The following LMBRD2 variants were observed in gnomAD, a reference collection of about 807,000 sequenced individuals.
LMBRD2 encodes the protein LMBR1 domain containing 2, also known as G protein-coupled receptor-associated protein LMBRD2.
A neutral mutation model predicts 94.4 loss-of-function variants in LMBRD2; 55 were observed. The observed-to-expected ratio is 0.58, with a 90% confidence interval of 0.47 to 0.73. The LOEUF (loss-of-function observed/expected upper bound fraction) is 0.73. Ranked by LOEUF, LMBRD2 falls within the 30% of genes least tolerant of loss-of-function variation. The pLI, the probability that LMBRD2 is intolerant of heterozygous loss-of-function variation, is 0.00. For missense variants in LMBRD2, 640 were observed against 831.9 expected (o/e 0.77, Z 2.84); for synonymous variants, 246 against 272.4 (o/e 0.90, Z 0.95).
intron 1 of LMBRD2, among the ~76,000 whole-genome samples, chr5:36,144,329 C>T (rs967601653): frequency 2.0e-5 from 3 of 152,082 alleles, no homozygotes; most frequent in Non-Finnish European, 4.4e-5. Context: ...TATCTACATA[C>T]TACAGTATTT....
intron 1 of LMBRD2, among the ~76,000 whole-genome samples, chr5:36,146,539 T>TA (rs1744543302): frequency 4.6e-5 from 7 of 152,156 alleles, no homozygotes; most frequent in African/African-American, 1.7e-4. Flanking sequence ...CTGGCTAATT[T>TA]TAAAAAAAAA....
chr5:36,104,003 A>C lies in LMBRD2; in HGVS notation c.*43T>G. The C allele has an allele frequency of 7.3e-7, 1 of 1,371,634 alleles. No homozygotes were observed. The highest frequency in any genetic ancestry group is 1.0e-6 in the Non-Finnish European group (1 of 963,486). The allele number at this position is 1,371,634 out of a possible 1,614,324, so 85.0% of individuals were successfully genotyped here. The stretch of plus-strand genomic sequence containing the variant: ...ACAGATGTTCATCAAGACTGAACTG[A>C]TGTGTTGACCTTGGTTAGTGGTCCC... On this transcript the variant is annotated 3_prime_UTR_variant, in exon 18 of 18. Transcript: ENST00000296603.
intron 12 of LMBRD2, among the ~76,000 whole-genome samples, chr5:36,114,776 G>GTA (rs773779789): frequency 6.6e-6 from 1 of 151,900 alleles, no homozygotes; most frequent in Non-Finnish European, 1.5e-5. Context: ...TATTAGTATA[G>GTA]GTCAGTTCTT....
At chr5:36,114,579 T>C in intron 12 of LMBRD2, 58 bp from the exon 13 acceptor site, 4 of 1,447,580 alleles carry the variant, frequency 2.8e-6, no homozygotes, top group Non-Finnish European at 3.6e-6. Context: ...TCCATTCCTT[T>C]CCATCATTAG....
intron 6 of LMBRD2, 147 bp downstream of exon 6, chr5:36,136,162 T>G (rs1207211833): frequency 1.4e-6 from 1 of 734,338 alleles, no homozygotes; most frequent in African/African-American, 1.7e-5. Context: ...AAAGTCATCC[T>G]GGATGAGACA....
chr5:36,138,462 T>C (rs1744322725), intron 4 of LMBRD2, among the ~76,000 whole-genome samples: 1 of 152,182 alleles, frequency 6.6e-6, no homozygotes, highest in South Asian at 2.1e-4. Flanking sequence ...AAGTTCACAA[T>C]GTATAATTCT....
chr5:36,137,023 G>A (rs1364640434), intron 5 of LMBRD2, among the ~76,000 whole-genome samples: 2 of 151,670 alleles, frequency 1.3e-5, no homozygotes, highest in African/African-American at 2.4e-5. Flanking sequence ...AAATCATAAG[G>A]GTTATTACTT....
rs1263162819 is a variant in LMBRD2, at chr5:36,101,842, A to G, written c.*2204T>C. 6.6e-6 allele frequency: 1 copy of G among 151,904 alleles called. No individual in the cohort carries two copies. The highest frequency in any genetic ancestry group is 1.5e-5 in the Non-Finnish European group (1 of 67,832). The allele number at this position is 151,904 out of a possible 1,614,324, so 9.4% of individuals were successfully genotyped here. On this transcript the variant is annotated 3_prime_UTR_variant, in exon 18 of 18. Transcript: ENST00000296603. ...TACACTTCAATTATTATAACCATAA[A>G]AAATTTAATACTAAAGGAAAGTGGT... is the stretch of plus-strand genomic sequence containing the variant.
chr5:36,140,509 G>A (rs1744381332), intron 4 of LMBRD2, among the ~76,000 whole-genome samples: 1 of 152,124 alleles, frequency 6.6e-6, no homozygotes, highest in Admixed American at 6.5e-5. Flanking sequence ...CAGAAGTATT[G>A]GCTTTAACAA....
chr5:36,119,259 AG>A (rs2111866619), intron 9 of LMBRD2, among the ~76,000 whole-genome samples: 1 of 152,230 alleles, frequency 6.6e-6, no homozygotes, highest in East Asian at 1.9e-4. Flanking sequence ...TTGTTGCTAT[AG>A]TGATGCCTAA....
intron 5 of LMBRD2, 139 bp downstream of exon 5, chr5:36,137,135 C>A (rs1238930863): frequency 2.7e-5 from 15 of 549,682 alleles, no homozygotes; most frequent in Non-Finnish European, 4.6e-5. Context: ...TTCACATATT[C>A]TTTTGGGGAA....
chr5:36,112,331 A>G (rs1743630661), intron 13 of LMBRD2, among the ~76,000 whole-genome samples: 1 of 152,152 alleles, frequency 6.6e-6, no homozygotes, highest in African/African-American at 2.4e-5. Flanking sequence ...GAATTAGATC[A>G]CTGTCTCTGG....
chr5:36,132,664 C>CA (rs35930344), intron 6 of LMBRD2, among the ~76,000 whole-genome samples: 47,382 of 133,820 alleles, frequency 0.35, 9,310 homozygotes, highest in Non-Finnish European at 0.44. Flanking sequence ...TTGAATTTCT[C>CA]AAAAAAAAAA....
intron 15 of LMBRD2, 100 bp downstream of exon 15, chr5:36,109,842 CTGT>C: frequency 1.2e-6 from 1 of 809,468 alleles, no homozygotes; most frequent in African/African-American, 1.7e-5. Context: ...CATTTTTCCA[CTGT>C]TTTTTTCTGT....
rs140522182 is a variant in LMBRD2 at position 36,129,961 on chromosome 5, C to T, written c.748-5696G>A. Among the ~76,000 whole-genome samples, 1,510 of 152,212 alleles carry T rather than the reference C, an allele frequency of 9.9e-3. 12 individuals are homozygous for T. The highest frequency in any genetic ancestry group is 0.024 in the Middle Eastern group (7 of 294). On this transcript the variant is annotated intron_variant, in intron 6 of 17. Transcript: ENST00000296603. ...ACAAAAAAACCAAACACCGCATGTT[C>T]TCACTCATAGGTGGGAACTGAATAA...
intron 9 of LMBRD2, among the ~76,000 whole-genome samples, chr5:36,119,722 C>G (rs1397999035): frequency 6.6e-6 from 1 of 152,168 alleles, no homozygotes; most frequent in African/African-American, 2.4e-5. Flanking sequence ...ATGCCACTCT[C>G]CTAGGCAACT....
At chr5:36,137,982 G>A (rs980725193) in intron 4 of LMBRD2, among the ~76,000 whole-genome samples, 9 of 152,192 alleles carry the variant, frequency 5.9e-5, no homozygotes, top group African/African-American at 2.2e-4. Flanking sequence ...TCAACTGTAA[G>A]AATGAGTATG....
At chr5:36,118,828 T>G (rs935396496) in intron 9 of LMBRD2, among the ~76,000 whole-genome samples, 1 of 152,008 alleles carries the variant, frequency 6.6e-6, no homozygotes, top group Non-Finnish European at 1.5e-5. Flanking sequence ...TTTTCTGTAT[T>G]TTTATTAGAC....
chr5:36,120,859 T>G (rs1743873692), intron 9 of LMBRD2, among the ~76,000 whole-genome samples: 1 of 152,190 alleles, frequency 6.6e-6, no homozygotes, highest in Non-Finnish European at 1.5e-5. Context: ...AAACACTTCA[T>G]TGTCCTAATT....
Sources: allele counts gnomAD v4.1 joint callset (sites outside exome capture counted in the v4.1 genomes callset), GRCh38; gene constraint gnomAD v4.1.1; transcripts MANE v1.5; gene names NCBI Gene and HGNC (gene_info 2026-07-23, HGNC 2026-07-21).